Variants in HDAC9 observed in about 807,000 individuals in gnomAD.
The protein encoded by HDAC9 is histone deacetylase 9, also known as MEF-2 interacting transcription repressor (MITR) protein.
In HDAC9, 41 loss-of-function variants were observed where a neutral mutation model predicts 139.4. That is an observed-to-expected ratio of 0.29 (90% CI 0.23 to 0.38). HDAC9 has a LOEUF of 0.38. Among genes scored for constraint, HDAC9 ranks in the 10% least tolerant of loss-of-function variants. HDAC9 has a pLI of 1.00. For missense variants in HDAC9, 1,147 were observed against 1,297.0 expected, an observed-to-expected ratio of 0.88 and a Z score of 1.78; for synonymous variants, 517 against 476.2, an observed-to-expected ratio of 1.09 and a Z score of -1.12.
In HDAC9 at chr7:18,502,016, C is replaced by A. The variant is rs371346391; in HGVS notation, c.22+5692C>A. ...AGCATTCAGGTCCTTCATATAGCTC[C>A]ACTCTGCTGGTCTTAGCCTTGGTTG... On this transcript the variant is annotated intron_variant, in intron 2 of 25. Transcript: ENST00000686413. Among the ~76,000 whole-genome samples, 3 of 152,296 alleles carry A rather than the reference C, an allele frequency of 2.0e-5. No homozygotes were observed. In the East Asian group the frequency reaches 5.8e-4, roughly 29 times the overall value.
intron 2 of HDAC9, among the ~76,000 whole-genome samples, chr7:18,542,094 A>G (rs1340000457): frequency 6.6e-6 from 1 of 152,152 alleles, no homozygotes; most frequent in Admixed American, 6.5e-5. Flanking sequence ...TGTGGTGACA[A>G]TCAAAAATGT....
At chr7:18,245,399 A>T (rs1794459028) in intron 2 of HDAC9, among the ~76,000 whole-genome samples, 1 of 152,170 alleles carries the variant, frequency 6.6e-6, no homozygotes, top group Admixed American at 6.5e-5. Context: ...AGCCACTTCT[A>T]ACACTGAGAC....
intron 2 of HDAC9, among the ~76,000 whole-genome samples, chr7:18,189,586 T>C (rs1387835767): frequency 6.6e-6 from 1 of 152,164 alleles, no homozygotes; most frequent in Non-Finnish European, 1.5e-5. Flanking sequence ...TTACAGAGCC[T>C]TGTGGGGCAT....
At chr7:18,811,932 G>C (rs1794207147) in intron 17 of HDAC9, among the ~76,000 whole-genome samples, 1 of 151,636 alleles carries the variant, frequency 6.6e-6, no homozygotes, top group African/African-American at 2.4e-5. Flanking sequence ...ACAGGGGATT[G>C]GTTTTAGAAC....
At chr7:18,438,138 G>A (rs1678465863) in intron 1 of HDAC9, among the ~76,000 whole-genome samples, 2 of 151,028 alleles carry the variant, frequency 1.3e-5, no homozygotes, top group Admixed American at 1.3e-4. Context: ...TAGTATATAA[G>A]TTCTCACAAA....
At chr7:18,745,494 G>A (rs1050040456) in intron 13 of HDAC9, among the ~76,000 whole-genome samples, 5 of 146,428 alleles carry the variant, frequency 3.4e-5, no homozygotes, top group East Asian at 2.0e-4. Flanking sequence ...ATGAAATAGT[G>A]AAAAAGTTAA....
intron 25 of HDAC9, among the ~76,000 whole-genome samples, chr7:18,995,195 G>T (rs1178796652): frequency 2.6e-5 from 4 of 152,170 alleles, no homozygotes; most frequent in East Asian, 1.9e-4. Flanking sequence ...ATCAGCAGTT[G>T]CAAAATTAAC....
intron 6 of HDAC9, among the ~76,000 whole-genome samples, chr7:18,597,156 T>C (rs1405406357): frequency 6.6e-6 from 1 of 152,206 alleles, no homozygotes; most frequent in Non-Finnish European, 1.5e-5. Context: ...CATGGAATTA[T>C]ATTAAAAGTT....
At chr7:18,306,357 A>C (rs1798906705) in intron 1 of HDAC9, among the ~76,000 whole-genome samples, 1 of 152,220 alleles carries the variant, frequency 6.6e-6, no homozygotes. Context: ...GCCAGTGTGT[A>C]CTGCAGTCGC....
intron 1 of HDAC9, among the ~76,000 whole-genome samples, chr7:18,399,904 C>T (rs761835609): frequency 6.6e-6 from 1 of 152,168 alleles, no homozygotes; most frequent in African/African-American, 2.4e-5. Flanking sequence ...GTTTTTCAGG[C>T]TGGGGAACAG....
chr7:18,760,200 T>C (rs1789260282), intron 14 of HDAC9, among the ~76,000 whole-genome samples: 1 of 152,152 alleles, frequency 6.6e-6, no homozygotes, highest in Non-Finnish European at 1.5e-5. Context: ...ACATTCTGTT[T>C]TCCAATGCCC....
intron 1 of HDAC9, among the ~76,000 whole-genome samples, chr7:18,454,160 G>A (rs546664754): frequency 3.3e-5 from 5 of 152,104 alleles, no homozygotes; most frequent in East Asian, 3.9e-4. Flanking sequence ...GGAATTGTCC[G>A]ATACATTTAT....
intron 1 of HDAC9, among the ~76,000 whole-genome samples, chr7:18,356,249 T>C (rs1783258755): frequency 6.6e-6 from 1 of 152,004 alleles, no homozygotes. Flanking sequence ...ATGTAACACG[T>C]TAGGTCATAC....
intron 25 of HDAC9, among the ~76,000 whole-genome samples, chr7:18,980,715 C>CTCTTCTTCCT (rs1554418458): frequency 7.5e-5 from 10 of 133,466 alleles, no homozygotes; most frequent in South Asian, 2.5e-4. Context: ...TTCCTTCTTC[C>CTCTTCTTCCT]TCTTCTTCTT....
At position 18,996,266 on chromosome 7, in the gene HDAC9, G is replaced by T. The variant is rs991201780; in HGVS notation, c.*204G>T. 2 of 489,780 alleles carry T rather than the reference G, an allele frequency of 4.1e-6. No homozygotes were observed. Among genetic ancestry groups the T allele is most frequent in the South Asian group, 4.7e-5 (2 of 42,600 alleles). 30.3% of individuals were successfully genotyped at this position (489,780 alleles called of 1,614,324 possible). A position where few individuals can be genotyped will look rare whatever the true frequency, so the allele number is the denominator to read the frequency against. ...CATTAAAGATTCCTTAAACGTAACC[G>T]CTGTGATTCTAGAGTTACAGTAAAC... On this transcript the variant is annotated 3_prime_UTR_variant, in exon 26 of 26. Transcript: ENST00000686413.
At chr7:18,975,451 G>A (rs1784491550) in intron 24 of HDAC9, among the ~76,000 whole-genome samples, 1 of 152,194 alleles carries the variant, frequency 6.6e-6, no homozygotes, top group Non-Finnish European at 1.5e-5. Flanking sequence ...CTGTAAGAGT[G>A]CTGCCTCCTG....
chr7:18,837,066 G>T (rs1433465657), intron 21 of HDAC9, among the ~76,000 whole-genome samples: 2 of 151,760 alleles, frequency 1.3e-5, no homozygotes, highest in Non-Finnish European at 2.9e-5. Context: ...CTTATTTGAA[G>T]TTCATTTCTC....
At chr7:18,306,500 A>G (rs1391092206) in intron 1 of HDAC9, among the ~76,000 whole-genome samples, 3 of 152,212 alleles carry the variant, frequency 2.0e-5, no homozygotes, top group African/African-American at 7.2e-5. Flanking sequence ...TAGGAAAGAA[A>G]AGATGATAGT....
intron 1 of HDAC9, among the ~76,000 whole-genome samples, chr7:18,439,669 G>A (rs920025229): frequency 6.6e-6 from 1 of 152,138 alleles, no homozygotes; most frequent in African/African-American, 2.4e-5. Flanking sequence ...AATCAATTTA[G>A]TGGTTTGAAA....
Sources: allele counts gnomAD v4.1 joint callset (sites outside exome capture counted in the v4.1 genomes callset), GRCh38; gene constraint gnomAD v4.1.1; transcripts MANE v1.5; gene names NCBI Gene and HGNC (gene_info 2026-07-23, HGNC 2026-07-21).